Variants in TCF4 observed in about 807,000 individuals in gnomAD.
TCF4 encodes SL3-3 enhancer factor 2.
Under a neutral mutation model 82.1 loss-of-function variants are expected in TCF4, and 3 were observed. That is an observed-to-expected ratio of 0.04 (90% confidence interval 0.02 to 0.09). The LOEUF is 0.09. TCF4 is among the 10% of genes least tolerant of loss of function. The pLI is 1.00. For synonymous variants in TCF4, 276 were observed against 309.6 expected, an observed-to-expected ratio of 0.89 and a Z score of 1.14; for missense variants, 518 against 852.7, an observed-to-expected ratio of 0.61 and a Z score of 4.89.
At position 55,308,526 on chromosome 18, in the gene TCF4, T is replaced by C. The variant is rs568618406; in HGVS notation, c.550-28870A>G. Among the ~76,000 whole-genome samples the C allele has an allele frequency of 2.2e-4, 33 of 152,336 alleles. 2 individuals carry two copies. In the South Asian group the frequency reaches 5.6e-3, roughly 26 times the overall value. ...AACTGTATGTATGGACATATGCCCG[T>C]ATGGTGGATGTGACACATTCATTAG... On this transcript the variant is annotated intron_variant, in intron 8 of 19. Coordinates refer to ENST00000354452, the MANE Select transcript of TCF4 (RefSeq NM_001083962.2).
intron 8 of TCF4, among the ~76,000 whole-genome samples, chr18:55,331,872 C>T (rs1569043354): frequency 1.3e-5 from 2 of 152,180 alleles, no homozygotes; most frequent in Non-Finnish European, 2.9e-5. Flanking sequence ...TATTCAAAAA[C>T]ATATACAATT....
At chr18:55,388,959 T>A (rs2092833563) in intron 6 of TCF4, among the ~76,000 whole-genome samples, 1 of 151,506 alleles carries the variant, frequency 6.6e-6, no homozygotes, top group African/African-American at 2.4e-5. Context: ...CCATCTCTAC[T>A]AAAAATACAA....
intron 2 of TCF4, among the ~76,000 whole-genome samples, chr18:55,606,114 C>T (rs919906523): frequency 1.3e-5 from 2 of 152,184 alleles, no homozygotes; most frequent in Admixed American, 6.5e-5. Flanking sequence ...TAGGGTGCTT[C>T]CCCATTCCAG....
chr18:55,405,783 G>A (rs1445435404), intron 5 of TCF4, among the ~76,000 whole-genome samples: 1 of 152,046 alleles, frequency 6.6e-6, no homozygotes, highest in Non-Finnish European at 1.5e-5. Context: ...GAGAGGAGGA[G>A]GAGAAGAATA....
At chr18:55,604,641 G>A (rs1003816841) in intron 2 of TCF4, among the ~76,000 whole-genome samples, 4 of 152,102 alleles carry the variant, frequency 2.6e-5, no homozygotes, top group Admixed American at 2.6e-4. Context: ...CTAGGAAAGG[G>A]GACAAGGAAA....
intron 8 of TCF4, among the ~76,000 whole-genome samples, chr18:55,311,075 G>A (rs752969176): frequency 2.0e-5 from 3 of 151,546 alleles, no homozygotes; most frequent in African/African-American, 7.3e-5. Flanking sequence ...ATGGTAAAAC[G>A]TAGAAATACC....
chr18:55,391,509 T>C (rs1005311310), intron 6 of TCF4, among the ~76,000 whole-genome samples: 13 of 152,074 alleles, frequency 8.5e-5, no homozygotes, highest in Non-Finnish European at 1.6e-4. Context: ...ACCTGGCATC[T>C]CTGTGAACCA....
upstream of TCF4, among the ~76,000 whole-genome samples, chr18:55,593,026 TAATACAA>T (rs2097687261): frequency 6.6e-6 from 1 of 152,188 alleles, no homozygotes; most frequent in African/African-American, 2.4e-5. Flanking sequence ...CTAAAGAACT[TAATACAA>T]AAAAGATTAT....
At chr18:55,275,591 T>C (rs2061356491) in intron 10 of TCF4, 28 bp downstream of exon 10, 2 of 1,613,588 alleles carry the variant, frequency 1.2e-6, no homozygotes, top group African/African-American at 1.3e-5. Context: ...AGCTGTGACA[T>C]TCCCGTTACC....
At position 55,436,609 on chromosome 18, in the gene TCF4, G is replaced by A. The variant is rs2095334921; in HGVS notation, c.304+24410C>T. ...ATGAAAGATATATGAAATCTAAGAG[G>A]TGAAGGTCTACCACCACAGTCAAAA... On this transcript the variant is annotated intron_variant, in intron 5 of 19. Coordinates refer to ENST00000354452, the MANE Select transcript of TCF4 (RefSeq NM_001083962.2). Among the ~76,000 whole-genome samples, 6 of 152,252 alleles carry A rather than the reference G, an allele frequency of 3.9e-5. No individual in the cohort carries two copies. In the South Asian group the frequency reaches 1.2e-3, roughly 32 times the overall value.
intron 5 of TCF4, among the ~76,000 whole-genome samples, chr18:55,418,171 G>T (rs1007595896): frequency 1.3e-5 from 2 of 151,446 alleles, no homozygotes; most frequent in African/African-American, 4.9e-5. Context: ...CAAAAGAGAA[G>T]ATGTTAAGAT....
At chr18:55,332,528 G>C (rs1178747147) in intron 8 of TCF4, among the ~76,000 whole-genome samples, 1 of 152,142 alleles carries the variant, frequency 6.6e-6, no homozygotes, top group Non-Finnish European at 1.5e-5. Flanking sequence ...TAAGCTCTGT[G>C]TTTATTAGTC....
intron 8 of TCF4, 104 bp from the exon 9 acceptor site, chr18:55,279,760 T>C (rs1430234773): frequency 1.4e-5 from 22 of 1,540,830 alleles, no homozygotes; most frequent in Admixed American, 1.9e-5. Context: ...ATTTCTACCC[T>C]TTCCAGTTTA....
chr18:55,578,049 C>G (rs907233800), intron 3 of TCF4, among the ~76,000 whole-genome samples: 7 of 152,076 alleles, frequency 4.6e-5, no homozygotes, highest in African/African-American at 1.4e-4. Context: ...GGTTTATGAA[C>G]AGCACCAGAT....
intron 3 of TCF4, among the ~76,000 whole-genome samples, chr18:55,565,560 A>T (rs1462785605): frequency 6.6e-6 from 1 of 152,170 alleles, no homozygotes; most frequent in Admixed American, 6.5e-5. Flanking sequence ...ATTTTCATAG[A>T]TTCAATACCC....
rs1455900137 is a variant in TCF4, at chr18:55,226,432, G to A, written c.*1603C>T. ...TTATAAAGATTCACGATGGAAGTTGGTTCAATTGTGCCCAGACGTCAAAGC... is the reference window on the plus strand; with the variant it reads ...TTATAAAGATTCACGATGGAAGTTGATTCAATTGTGCCCAGACGTCAAAGC... On this transcript the variant is annotated 3_prime_UTR_variant, in exon 20 of 20. Transcript: ENST00000354452. 1.3e-5 allele frequency: 2 copies of A among 152,536 alleles called. No individual in the cohort carries two copies. The highest frequency in any genetic ancestry group is 2.9e-5 in the Non-Finnish European group (2 of 68,012). 9.4% of individuals were successfully genotyped at this position (152,536 alleles called of 1,614,324 possible).
At chr18:55,464,501 A>C (rs917952994) in intron 3 of TCF4, among the ~76,000 whole-genome samples, 16 of 152,234 alleles carry the variant, frequency 1.1e-4, no homozygotes, top group African/African-American at 3.6e-4. Context: ...AAAAAAGTTA[A>C]ATTAAGGTAA....
rs896448910 is a variant in TCF4, at chr18:55,464,178, A to T, written c.146-41T>A. On this transcript the variant is annotated intron_variant, in intron 3 of 19. Transcript: ENST00000354452. ...AAGTTCTTTAGGCTTTCTTGCAGTA[A>T]TTTTTTCTTTTTGTATATGCACTTT... The T allele has an allele frequency of 1.4e-5, 23 of 1,592,954 alleles. No individual in the cohort carries two copies. In the African/African-American group the frequency reaches 2.7e-4, roughly 19 times the overall value.
At position 55,395,002 on chromosome 18, in the gene TCF4, C is replaced by A. The variant is rs144467918; in HGVS notation, c.369+8452G>T. Among the ~76,000 whole-genome samples, 916 of 152,296 alleles carry A rather than the reference C, an allele frequency of 6.0e-3. 3 individuals are homozygous for A. The highest frequency in any genetic ancestry group is 9.4e-3 in the Non-Finnish European group (639 of 68,020). ...GTCCATTACTTCAGATTACAGGCTT[C>A]TGTTGCTATCTTTCAGTGTTGCCAA... On this transcript the variant is annotated intron_variant, in intron 6 of 19. Coordinates refer to ENST00000354452, the MANE Select transcript of TCF4 (RefSeq NM_001083962.2).
Sources: allele counts gnomAD v4.1 joint callset (sites outside exome capture counted in the v4.1 genomes callset), GRCh38; gene constraint gnomAD v4.1.1; transcripts MANE v1.5; gene names NCBI Gene and HGNC (gene_info 2026-07-23, HGNC 2026-07-21).